The following SCAF1 variants were observed in gnomAD, a reference collection of about 807,000 sequenced individuals.
SCAF1 encodes the protein splicing factor, arginine/serine-rich 19.
A neutral mutation model predicts 91.2 loss-of-function variants in SCAF1; 28 were observed. That is an observed-to-expected ratio of 0.31 (90% CI 0.23 to 0.42). The LOEUF (loss-of-function observed/expected upper bound fraction) is 0.42. Ranked by LOEUF, SCAF1 falls within the 10% of genes least tolerant of loss-of-function variation. SCAF1 has a pLI of 1.00. For missense variants in SCAF1, 1,893 were observed against 1,872.1 expected, an observed-to-expected ratio of 1.01 and a Z score of -0.21; for synonymous variants, 1,036 against 833.7, an observed-to-expected ratio of 1.24 and a Z score of -4.18.
intron 9 of SCAF1, among the ~76,000 whole-genome samples, chr19:49,655,307 C>T (rs896065665): frequency 1.2e-4 from 18 of 152,170 alleles, no homozygotes; most frequent in South Asian, 4.2e-4. Context: ...CTGCTCTGGC[C>T]GGCTCCTACT....
Position 49,658,309 on chromosome 19 carries a change from GCCAGGGGACCCC to G in SCAF1, c.3856_3867del (p.Asp1286_Gly1289del). The G allele has an allele frequency of 6.2e-7, 1 of 1,608,086 alleles. No homozygotes were observed. Among genetic ancestry groups the G allele is most frequent in the Non-Finnish European group, 8.5e-7 (1 of 1,177,642 alleles). ...GCTACTTCCGCAAGCACGGTCGCAA[GCCAGGGGACCCC>G]CCAGGGCCCCCACGGCCGCCCAAGG... On this transcript the variant is annotated inframe_deletion, in exon 11 of 11. Transcript: ENST00000360565.
At chr19:49,655,220 A>G (rs1234321804) in intron 9 of SCAF1, among the ~76,000 whole-genome samples, 2 of 152,124 alleles carry the variant, frequency 1.3e-5, no homozygotes, top group African/African-American at 4.8e-5. Context: ...TTTCCGAATG[A>G]AAACTCAAGA....
In SCAF1 at chr19:49,646,935, C is replaced by T; in HGVS notation, c.478+105C>T. 1.2e-6 allele frequency: 1 copy of T among 805,728 alleles called. No homozygotes were observed. Among genetic ancestry groups the T allele is most frequent in the South Asian group, 1.8e-5 (1 of 55,872 alleles). The allele number at this position is 805,728 out of a possible 1,614,324, so 49.9% of individuals were successfully genotyped here. On this transcript the variant is annotated intron_variant, in intron 6 of 10. Transcript: ENST00000360565. The surrounding 1 kb of genome is among the most constrained non-coding windows in gnomAD (Gnocchi z 5.6). ...GGTGATCATGTTATTTAGACAAAAC[C>T]TTTCCCTTCTCTTCGTATTAGACGT...
At chr19:49,653,777 G>A (rs536701621) in intron 7 of SCAF1, 72 bp downstream of exon 7, 9 of 1,376,354 alleles carry the variant, frequency 6.5e-6, no homozygotes, top group Admixed American at 2.9e-5. Context: ...TACAGACTTA[G>A]AGGCAGTGGG....
rs764905332 is a variant in SCAF1, at chr19:49,652,015, G to T, written c.1626G>T (p.Ala542=). 8.3e-7 allele frequency: 1 copy of T among 1,205,604 alleles called. No homozygotes were observed. The highest frequency in any genetic ancestry group is 1.0e-6 in the Non-Finnish European group (1 of 961,870). 74.7% of individuals were successfully genotyped at this position (1,205,604 alleles called of 1,614,324 possible). The change falls in exon 7 of 11, where the codon GCG becomes GCT. Residue 542 remains alanine (A), a synonymous_variant. Transcript: ENST00000360565. ...CGTCCTCGTCGGGCACCCAGCCAGC[G>T]CCGCCCGCCCCGGCCTCGCCCTGGG... ...AASSSSGTQP[A]PPAPASPWDS...
chr19:49,645,958 T>TC lies in SCAF1; in HGVS notation c.167-148dup, dbSNP rs752843926. Reference sequence around the variant, plus strand: ...AGCCTCTGAAGTGGGTGCTGGGAAGTCCTCCTGGGAGGTGGCGCATGGAGG... The same window carrying TC: ...AGCCTCTGAAGTGGGTGCTGGGAAGTCCCTCCTGGGAGGTGGCGCATGGAGG... On this transcript the variant is annotated intron_variant, in intron 3 of 10. Coordinates refer to ENST00000360565, the MANE Select transcript of SCAF1 (RefSeq NM_021228.3). The surrounding 1 kb of genome is among the most constrained non-coding windows in gnomAD (Gnocchi z 4.6). 3.4e-5 allele frequency: 24 copies of TC among 701,258 alleles called. No individual in the cohort carries two copies. Among genetic ancestry groups the TC allele is most frequent in the Non-Finnish European group, 5.5e-5 (22 of 402,532 alleles). The allele number at this position is 701,258 out of a possible 1,614,324, so 43.4% of individuals were successfully genotyped here.
chr19:49,657,363 G>A (rs891252683), intron 9 of SCAF1, among the ~76,000 whole-genome samples: 4 of 136,540 alleles, frequency 2.9e-5, no homozygotes, highest in Admixed American at 8.0e-5. Context: ...AGTCCTCCCC[G>A]CTCCCGCGGT....
chr19:49,646,951 T>C lies in SCAF1; in HGVS notation c.478+121T>C. ...AGACAAAACCTTTCCCTTCTCTTCG[T>C]ATTAGACGTGATTAAGGCTGTAGGC... On this transcript the variant is annotated intron_variant, in intron 6 of 10. Coordinates refer to ENST00000360565, the MANE Select transcript of SCAF1 (RefSeq NM_021228.3). The surrounding 1 kb of genome is among the most constrained non-coding windows in gnomAD (Gnocchi z 5.6). 1 of 718,040 alleles carries C rather than the reference T, an allele frequency of 1.4e-6. No individual in the cohort carries two copies. Among genetic ancestry groups the C allele is most frequent in the Non-Finnish European group, 2.3e-6 (1 of 439,992 alleles). 44.5% of individuals were successfully genotyped at this position (718,040 alleles called of 1,614,324 possible). A position where few individuals can be genotyped will look rare whatever the true frequency, so the allele number is the denominator to read the frequency against.
intron 9 of SCAF1, among the ~76,000 whole-genome samples, chr19:49,657,370 C>A (rs1163361381): frequency 6.6e-6 from 1 of 152,076 alleles, no homozygotes; most frequent in African/African-American, 2.4e-5. Context: ...CCCGCTCCCG[C>A]GGTGAAAAGC....
At position 49,653,352 on chromosome 19, in the gene SCAF1, T is replaced by A. The variant is rs759716363; in HGVS notation, c.2963T>A (p.Leu988His). Reference protein sequence around the residue: ...PPKAAPPPPALTPDSQTVDSS... With the variant: ...PPKAAPPPPAHTPDSQTVDSS... Reference sequence around the variant, plus strand: ...AAGGCAGCCCCACCACCCCCTGCCCTCACTCCGGACTCGCAGACCGTGGAC... The same window carrying A: ...AAGGCAGCCCCACCACCCCCTGCCCACACTCCGGACTCGCAGACCGTGGAC... Residue 988 changes from leucine (L) to histidine (H), a missense_variant, in exon 7 of 11, where the codon CTC becomes CAC. Coordinates refer to ENST00000360565, the MANE Select transcript of SCAF1 (RefSeq NM_021228.3). 2.7e-6 allele frequency: 4 copies of A among 1,478,216 alleles called. No homozygotes were observed. Among genetic ancestry groups the A allele is most frequent in the Middle Eastern group, 2.1e-4 (1 of 4,794 alleles). 91.6% of individuals were successfully genotyped at this position (1,478,216 alleles called of 1,614,324 possible).
At chr19:49,656,079 T>G (rs935977515) in intron 9 of SCAF1, among the ~76,000 whole-genome samples, 2 of 152,238 alleles carry the variant, frequency 1.3e-5, no homozygotes, top group East Asian at 1.9e-4. Context: ...CCATTAAACA[T>G]CCTGTGTGAG....
At position 49,646,692 on chromosome 19, in the gene SCAF1, C is replaced by T. The variant is rs756960739; in HGVS notation, c.363-23C>T. The T allele has an allele frequency of 3.7e-6, 6 of 1,613,168 alleles. No homozygotes were observed. The highest frequency in any genetic ancestry group is 5.1e-6 in the Non-Finnish European group (6 of 1,179,258). ...GAGAGCCAGAAGCACCCCTGAGGCT[C>T]ACCCACCCCTTCCGCCTTGCAGAAG... On this transcript the variant is annotated intron_variant, in intron 5 of 10. Transcript: ENST00000360565. This position sits in a 1 kb window ranked among gnomAD's most constrained non-coding sequence, Gnocchi z 5.6.
At chr19:49,655,308 G>A (rs544233606) in intron 9 of SCAF1, among the ~76,000 whole-genome samples, 3 of 152,260 alleles carry the variant, frequency 2.0e-5, no homozygotes, top group Admixed American at 6.5e-5. Flanking sequence ...TGCTCTGGCC[G>A]GCTCCTACTC....
In SCAF1 at chr19:49,657,756, A is replaced by C; in HGVS notation, c.3619-5A>C. Reference sequence around the variant, plus strand: ...TGTCTTCCCCCGCTGTCGCCACCCCACCAGTATCTGAAGAAGCTGCACACG... The same window carrying C: ...TGTCTTCCCCCGCTGTCGCCACCCCCCCAGTATCTGAAGAAGCTGCACACG... On this transcript the variant is annotated splice_region_variant and splice_polypyrimidine_tract_variant and intron_variant, in intron 9 of 10. Transcript: ENST00000360565. 1 of 1,597,564 alleles carries C rather than the reference A, an allele frequency of 6.3e-7. No homozygotes were observed. The highest frequency in any genetic ancestry group is 1.7e-5 in the Admixed American group (1 of 57,384).
rs1431540572 is a variant in SCAF1, at chr19:49,651,233, G to A, written c.844G>A (p.Glu282Lys). 1.9e-6 allele frequency: 3 copies of A among 1,612,882 alleles called. No homozygotes were observed. The Admixed American group carries it at 5.0e-5, about 27-fold the overall frequency. Residue 282 changes from glutamate to lysine, a missense_variant, in exon 7 of 11, where the codon GAA (glutamate) becomes AAA (lysine). By Grantham distance (56) the Glu-to-Lys change is moderately conservative. This residue lies in a region of SCAF1 where 80 missense variants were observed against 116.6 expected (regional missense o/e 0.69). Transcript: ENST00000360565. ...EEEEEEEEEEEDEEEEEGLSQ... is the reference protein window; with the variant it reads ...EEEEEEEEEEKDEEEEEGLSQ... ...GGAAGAGGAAGAAGAAGAGGAAGAGGAAGACGAGGAGGAGGAGGAAGGCCT... is the reference window on the plus strand; with the variant it reads ...GGAAGAGGAAGAAGAAGAGGAAGAGAAAGACGAGGAGGAGGAGGAAGGCCT...
At chr19:49,657,183 A>C (rs1427685397) in intron 9 of SCAF1, among the ~76,000 whole-genome samples, 1 of 152,154 alleles carries the variant, frequency 6.6e-6, no homozygotes, top group Non-Finnish European at 1.5e-5. Context: ...AGGAGCCACA[A>C]AAAGGTTTGG....
In SCAF1 at chr19:49,652,298, G is replaced by A. The variant is rs1359524897; in HGVS notation, c.1909G>A (p.Gly637Ser). 2 of 1,529,088 alleles carry A rather than the reference G, an allele frequency of 1.3e-6. No homozygotes were observed. Among genetic ancestry groups the A allele is most frequent in the Non-Finnish European group, 1.8e-6 (2 of 1,140,854 alleles). The allele number at this position is 1,529,088 out of a possible 1,614,324, so 94.7% of individuals were successfully genotyped here. A position where few individuals can be genotyped will look rare whatever the true frequency, so the allele number is the denominator to read the frequency against. Residue 637 changes from glycine (G) to serine (S), a missense_variant, in exon 7 of 11, where the codon GGT (glycine) becomes AGT (serine). By Grantham distance (56) the Gly-to-Ser change is moderately conservative. This residue lies in a region of SCAF1 where 1,436 missense variants were observed against 1,306.8 expected (regional missense o/e 1.10). Transcript: ENST00000360565. ...RERHRGKHRD[G>S]GGSKKKKKRS... ...GCGGCACCGCGGGAAACACCGGGAC[G>A]GTGGCGGCAGCAAGAAGAAGAAGAA...
intron 9 of SCAF1, 75 bp from the exon 10 acceptor site, chr19:49,657,686 G>A (rs1478850940): frequency 4.0e-6 from 6 of 1,511,630 alleles, no homozygotes; most frequent in Non-Finnish European, 5.4e-6. Flanking sequence ...GGCAGCAGAG[G>A]CGAGTGGAGG....
intron 7 of SCAF1, among the ~76,000 whole-genome samples, 178 bp from the exon 8 acceptor site, chr19:49,654,171 G>A (rs894647883): frequency 2.0e-5 from 3 of 152,170 alleles, no homozygotes; most frequent in Non-Finnish European, 4.4e-5. Flanking sequence ...AAGAACATTC[G>A]TGGTATGGGC....
Sources: allele counts gnomAD v4.1 joint callset (sites outside exome capture counted in the v4.1 genomes callset), GRCh38; gene constraint gnomAD v4.1.1; regional missense constraint gnomAD v4.1.1; non-coding constraint Gnocchi (gnomAD v3.1); transcripts MANE v1.5; gene names NCBI Gene and HGNC (gene_info 2026-07-23, HGNC 2026-07-21).